MGAT4C: variants seen among roughly 807,000 people sequenced by gnomAD.
MGAT4C encodes MGAT4 family member C.
Under a neutral mutation model 40.1 loss-of-function variants are expected in MGAT4C, and 19 were observed. That is an observed-to-expected ratio of 0.47 (90% CI 0.33 to 0.70). The LOEUF (loss-of-function observed/expected upper bound fraction) is 0.70. Among genes scored for constraint, MGAT4C ranks in the 30% least tolerant of loss-of-function variants. The pLI is 0.02. For missense variants in MGAT4C, 491 were observed against 563.2 expected (o/e 0.87, Z 1.30); for synonymous variants, 181 against 187.1 (o/e 0.97, Z 0.27).
At chr12:86,422,314 G>A (rs1024117499) in intron 3 of MGAT4C, among the ~76,000 whole-genome samples, 4 of 152,060 alleles carry the variant, frequency 2.6e-5, no homozygotes, top group African/African-American at 9.7e-5. Context: ...CAAAACCTTG[G>A]AACTATAAGA....
chr12:86,470,450 C>G (rs1957742627), intron 2 of MGAT4C, among the ~76,000 whole-genome samples: 1 of 152,104 alleles, frequency 6.6e-6, no homozygotes, highest in Admixed American at 6.6e-5. Flanking sequence ...AGCCCACACT[C>G]CACTCCCTTC....
chr12:86,763,367 T>G (rs1951438748), intron 1 of MGAT4C, among the ~76,000 whole-genome samples: 1 of 152,004 alleles, frequency 6.6e-6, no homozygotes, highest in Non-Finnish European at 1.5e-5. Context: ...ATATGCAGTA[T>G]TTTTTTTCAT....
At chr12:86,764,355 G>A (rs1462520447) in intron 1 of MGAT4C, among the ~76,000 whole-genome samples, 1 of 152,162 alleles carries the variant, frequency 6.6e-6, no homozygotes, top group Non-Finnish European at 1.5e-5. Context: ...AAACAAAGCA[G>A]CTGGGAAGCT....
intron 2 of MGAT4C, among the ~76,000 whole-genome samples, chr12:86,650,622 T>A (rs1689546810): frequency 1.3e-5 from 2 of 152,032 alleles, no homozygotes; most frequent in Non-Finnish European, 2.9e-5. Context: ...GGTCTAGAAG[T>A]TGAAAATAGA....
intron 2 of MGAT4C, among the ~76,000 whole-genome samples, chr12:85,998,123 C>T (rs1886844387): frequency 6.6e-6 from 1 of 152,236 alleles, no homozygotes; most frequent in Non-Finnish European, 1.5e-5. Context: ...CATATGGAAG[C>T]TGCCAAGGCT....
chr12:86,117,594 A>T (rs1878642932), intron 1 of MGAT4C, among the ~76,000 whole-genome samples: 1 of 152,082 alleles, frequency 6.6e-6, no homozygotes. Flanking sequence ...AACCATCATC[A>T]CTCTACCAAA....
intron 1 of MGAT4C, among the ~76,000 whole-genome samples, chr12:86,801,920 AT>A (rs1166681390): frequency 6.6e-6 from 1 of 151,840 alleles, no homozygotes; most frequent in African/African-American, 2.4e-5. Context: ...TGCCATGGGA[AT>A]TTTTTTAAAC....
chr12:86,295,063 A>G (rs1953627166), intron 4 of MGAT4C, among the ~76,000 whole-genome samples: 1 of 152,190 alleles, frequency 6.6e-6, no homozygotes. Flanking sequence ...TTAAAGCACA[A>G]AATGGTCCTA....
At chr12:86,350,024 C>T (rs1245146462) in intron 3 of MGAT4C, among the ~76,000 whole-genome samples, 1 of 151,790 alleles carries the variant, frequency 6.6e-6, no homozygotes, top group Non-Finnish European at 1.5e-5. Context: ...GATGATACAA[C>T]CAAAAACTTT....
intron 3 of MGAT4C, among the ~76,000 whole-genome samples, chr12:86,369,457 T>C (rs910327090): frequency 1.3e-5 from 2 of 151,962 alleles, no homozygotes; most frequent in Admixed American, 6.6e-5. Context: ...TCTGTAGTGA[T>C]ATTCTTTCAT....
intron 2 of MGAT4C, among the ~76,000 whole-genome samples, chr12:86,560,149 A>C (rs1194302648): frequency 6.6e-6 from 1 of 152,040 alleles, no homozygotes; most frequent in Non-Finnish European, 1.5e-5. Flanking sequence ...CAACATTGAC[A>C]ACATCTTCAA....
intron 3 of MGAT4C, among the ~76,000 whole-genome samples, chr12:86,396,507 A>G (rs1340556784): frequency 4.6e-5 from 7 of 152,198 alleles, no homozygotes; most frequent in Admixed American, 4.6e-4. Flanking sequence ...TGCTCTTGGC[A>G]ATTATCTGGA....
At chr12:86,582,951 A>T (rs1960854468) in intron 2 of MGAT4C, among the ~76,000 whole-genome samples, 1 of 151,364 alleles carries the variant, frequency 6.6e-6, no homozygotes, top group Non-Finnish European at 1.5e-5. Context: ...TAAATAAAAC[A>T]TCACTACTTT....
intron 1 of MGAT4C, among the ~76,000 whole-genome samples, chr12:86,811,029 A>G (rs1253632435): frequency 2.5e-5 from 1 of 40,216 alleles, no homozygotes; most frequent in Non-Finnish European, 7.8e-5. Flanking sequence ...GTCCTTGTCA[A>G]AGATTTTATA....
At chr12:86,502,475 A>G (rs1958365104) in intron 2 of MGAT4C, among the ~76,000 whole-genome samples, 1 of 151,958 alleles carries the variant, frequency 6.6e-6, no homozygotes, top group South Asian at 2.1e-4. Flanking sequence ...CACAATACAC[A>G]GAGCAAACTG....
rs1224253080 is a variant in MGAT4C, at chr12:85,958,593, T to TTTG, written c.*20693_*20695dup. 10 of 152,144 alleles carry TTTG rather than the reference T, an allele frequency of 6.6e-5. No homozygotes were observed. Among genetic ancestry groups the TTTG allele is most frequent in the Non-Finnish European group, 1.2e-4 (8 of 68,012 alleles). The allele number at this position is 152,144 out of a possible 1,614,324, so 9.4% of individuals were successfully genotyped here. ...AAACTAACTAGAAAGCACCAAGTTA[T>TTTG]TTGTTAAATAAACAAAGTTAATTTT... On this transcript the variant is annotated 3_prime_UTR_variant, in exon 5 of 5. Coordinates refer to ENST00000611864, the MANE Select transcript of MGAT4C (RefSeq NM_001351288.2).
At chr12:86,203,957 CAA>C (rs779258682) in intron 1 of MGAT4C, among the ~76,000 whole-genome samples, 12 of 66,650 alleles carry the variant, frequency 1.8e-4, no homozygotes, top group Admixed American at 3.6e-4. Flanking sequence ...AACTTCGTCT[CAA>C]AAAAAAAAAA....
chr12:86,500,522 A>G (rs1958322218), intron 2 of MGAT4C, among the ~76,000 whole-genome samples: 1 of 151,986 alleles, frequency 6.6e-6, no homozygotes. Flanking sequence ...AATATAAGTG[A>G]CATAGTAAAA....
chr12:86,350,210 T>G (rs1480511899), intron 3 of MGAT4C, among the ~76,000 whole-genome samples: 1 of 152,144 alleles, frequency 6.6e-6, no homozygotes, highest in Non-Finnish European at 1.5e-5. Context: ...TCTCAAGCTC[T>G]ATACCATTGC....
Sources: allele counts gnomAD v4.1 joint callset (sites outside exome capture counted in the v4.1 genomes callset), GRCh38; gene constraint gnomAD v4.1.1; transcripts MANE v1.5; gene names NCBI Gene and HGNC (gene_info 2026-07-23, HGNC 2026-07-21).